The following MKI67 variants were observed in gnomAD, a reference collection of about 807,000 sequenced individuals.
MKI67 encodes proliferation marker protein Ki-67.
In MKI67, 152 loss-of-function variants were observed where a neutral mutation model predicts 233.5. The ratio of observed to expected loss-of-function variants is 0.65; its 90% confidence interval spans 0.57 to 0.74. MKI67 has a LOEUF of 0.74. Ranked by LOEUF, MKI67 falls within the 30% of genes least tolerant of loss-of-function variation. The pLI, the probability that MKI67 is intolerant of heterozygous loss-of-function variation, is 0.00. For missense variants in MKI67, 3,940 were observed against 3,885.2 expected (o/e 1.01, Z -0.37); for synonymous variants, 1,465 against 1,418.5 (o/e 1.03, Z -0.74).
rs1486442151 is a variant in MKI67, at chr10:128,104,296, G to A, written c.7544C>T (p.Pro2515Leu). 3 of 1,613,986 alleles carry A rather than the reference G, an allele frequency of 1.9e-6. No individual in the cohort carries two copies. Among genetic ancestry groups the A allele is most frequent in the African/African-American group, 2.7e-5 (2 of 74,908 alleles). The part of the protein sequence containing the change: ...SGETTQTHTE[P>L]TGDSKSIKAF... ...TTTGATGCTCTTACTATCTCCTGTT[G>A]GCTCTGTGTGTGTTTGCGTAGTCTC... Residue 2515 changes from proline (P) to leucine (L), a missense_variant, in exon 13 of 15, where the codon CCA (proline) becomes CTA (leucine). Physicochemically the swap from Pro to Leu is moderately conservative, Grantham distance 98. Transcript: ENST00000368654.
At chr10:128,109,543 T>A (rs1343506115) in intron 12 of MKI67, 120 bp from the exon 13 acceptor site, 1 of 1,054,006 alleles carries the variant, frequency 9.5e-7, no homozygotes, top group African/African-American at 1.6e-5. Context: ...CTGAACGACA[T>A]GAGGCTACTT....
rs1355881786 is a variant in MKI67, at chr10:128,105,592, A to C, written c.6248T>G (p.Phe2083Cys). ...TTCCTCAGTGTGGTCTGGTGTCTGG[A>C]AGAGCTCTTTGAAGCCGGCCAGGTC... The part of the protein sequence containing the change: ...LEDLAGFKEL[F>C]QTPDHTEEST... The change falls in exon 13 of 15, where the codon TTC (phenylalanine) becomes TGC (cysteine). Residue 2083 changes from phenylalanine (F) to cysteine (C), a missense_variant. Transcript: ENST00000368654. 3 of 1,613,974 alleles carry C rather than the reference A, an allele frequency of 1.9e-6. No individual in the cohort carries two copies. The highest frequency in any genetic ancestry group is 2.5e-6 in the Non-Finnish European group (3 of 1,179,978).
Position 128,097,458 on chromosome 10 carries a change from C to G in MKI67, c.*1732G>C, listed in dbSNP as rs1369537548. ...GAGAAAAGGTGCTGACATACTTCAG[C>G]AAGATTTCTGGTTAGAGCTGAACTC... On this transcript the variant is annotated 3_prime_UTR_variant, in exon 15 of 15. Coordinates refer to ENST00000368654, the MANE Select transcript of MKI67 (RefSeq NM_002417.5). 6.6e-6 allele frequency: 1 copy of G among 152,108 alleles called. No homozygotes were observed. Among genetic ancestry groups the G allele is most frequent in the Non-Finnish European group, 1.5e-5 (1 of 68,026 alleles). 9.4% of individuals were successfully genotyped at this position (152,108 alleles called of 1,614,324 possible).
rs1043126054 is a variant in MKI67, at chr10:128,110,610, C to T, written c.2261-77G>A. The stretch of plus-strand genomic sequence containing the variant: ...CAACCATCCCAGCCCTCACATGTAA[C>T]GTGCAAATGGTGGGAAATAACAGTA... On this transcript the variant is annotated intron_variant, in intron 11 of 14. Coordinates refer to ENST00000368654, the MANE Select transcript of MKI67 (RefSeq NM_002417.5). 6.9e-6 allele frequency: 8 copies of T among 1,167,340 alleles called. No individual in the cohort carries two copies. The East Asian group carries it at 9.7e-5, about 14-fold the overall frequency. The allele number at this position is 1,167,340 out of a possible 1,614,324, so 72.3% of individuals were successfully genotyped here. A position where few individuals can be genotyped will look rare whatever the true frequency, so the allele number is the denominator to read the frequency against.
In MKI67 at chr10:128,103,172, T is replaced by C. The variant is rs148727103; in HGVS notation, c.8668A>G (p.Lys2890Glu). The C allele has an allele frequency of 1.8e-5, 29 of 1,612,368 alleles. No individual in the cohort carries two copies. In the African/African-American group the frequency reaches 3.8e-4, roughly 21 times the overall value. ...ACATCTTCTGCGTCCAGCTTCCGCTTTGCAGGTTGCTTAAATGCTTTCGTG... is the reference window on the plus strand; with the variant it reads ...ACATCTTCTGCGTCCAGCTTCCGCTCTGCAGGTTGCTTAAATGCTTTCGTG... Reference protein sequence around the residue: ...KGTKAFKQPAKRKLDAEDVIG... With the variant: ...KGTKAFKQPAERKLDAEDVIG... The change falls in exon 13 of 15, where the codon AAG (lysine) becomes GAG (glutamate). Residue 2890 changes from lysine (K) to glutamate (E), a missense_variant. Lys to Glu is a moderately conservative substitution (Grantham distance 56). Transcript: ENST00000368654.
intron 5 of MKI67, among the ~76,000 whole-genome samples, chr10:128,117,698 T>C (rs1852836894): frequency 6.6e-6 from 1 of 152,214 alleles, no homozygotes; most frequent in Non-Finnish European, 1.5e-5. Flanking sequence ...GAGGGATGGT[T>C]TTTTATTTCC....
Position 128,109,119 on chromosome 10 carries a change from T to C in MKI67, c.2721A>G (p.Arg907=). The C allele has an allele frequency of 6.2e-7, 1 of 1,614,246 alleles. No individual in the cohort carries two copies. ...NTEIVECILK[R]GQKATLLQQR... ...GTTGTAGTAGTGTTGCCTTCTGACC[T>C]CTTTTTAGGATGCACTCAACAATTT... Residue 907 remains arginine, a synonymous_variant, in exon 13 of 15, where the codon AGA becomes AGG. Coordinates refer to ENST00000368654, the MANE Select transcript of MKI67 (RefSeq NM_002417.5).
rs768971032 is a variant in MKI67 at position 128,104,525 on chromosome 10, C to T, written c.7315G>A (p.Gly2439Ser). The T allele has an allele frequency of 6.8e-6, 11 of 1,614,048 alleles. No individual in the cohort carries two copies. The highest frequency in any genetic ancestry group is 1.3e-5 in the African/African-American group (1 of 74,914). ...GGTGTCTGGAAGAGTTCTTTGAAGC[C>T]AACCAGGTCCTCTAGAGCCTCAGCC... ...EKAEALEDLV[G>S]FKELFQTPGH... The change falls in exon 13 of 15, where the codon GGC becomes AGC. Residue 2439 changes from glycine (G) to serine (S), a missense_variant. Transcript: ENST00000368654.
At position 128,107,947 on chromosome 10, in the gene MKI67, G is replaced by A. The variant is rs372590017; in HGVS notation, c.3893C>T (p.Thr1298Met). Residue 1298 changes from threonine (T) to methionine (M), a missense_variant, in exon 13 of 15, where the codon ACG becomes ATG. Coordinates refer to ENST00000368654, the MANE Select transcript of MKI67 (RefSeq NM_002417.5). ...CTCTTCACCTACTGATGGTTTAGGC[G>A]TGTGCATGGCTTTGCCTGCTGATGG... Reference protein sequence around the residue: ...LMPSAGKAMHTPKPSVGEEKD... With the variant: ...LMPSAGKAMHMPKPSVGEEKD... 155 of 1,613,670 alleles carry A rather than the reference G, an allele frequency of 9.6e-5. No individual in the cohort carries two copies. The highest frequency in any genetic ancestry group is 1.2e-4 in the Non-Finnish European group (142 of 1,180,002).
Position 128,116,019 on chromosome 10 carries a change from A to C in MKI67, c.401-12T>G. ...TTGAGCTTTCTCATCTTGGCAATGAATTATGAAATAAGAAACAGAAGTTCA... is the reference window on the plus strand; with the variant it reads ...TTGAGCTTTCTCATCTTGGCAATGACTTATGAAATAAGAAACAGAAGTTCA... On this transcript the variant is annotated splice_polypyrimidine_tract_variant and intron_variant, in intron 6 of 14. Transcript: ENST00000368654. 1.3e-6 allele frequency: 2 copies of C among 1,551,306 alleles called. No homozygotes were observed. Among genetic ancestry groups the C allele is most frequent in the Non-Finnish European group, 8.7e-7 (1 of 1,155,760 alleles).
At position 128,107,966 on chromosome 10, in the gene MKI67, C is replaced by A; in HGVS notation, c.3874G>T (p.Ala1292Ser). 6.2e-7 allele frequency: 1 copy of A among 1,613,820 alleles called. No individual in the cohort carries two copies. The highest frequency in any genetic ancestry group is 8.5e-7 in the Non-Finnish European group (1 of 1,179,982). Residue 1292 changes from alanine (A) to serine (S), a missense_variant, in exon 13 of 15, where the codon GCA (alanine) becomes TCA (serine). By Grantham distance (99) the Ala-to-Ser change is moderately conservative (BLOSUM62 1). Transcript: ENST00000368654. ...LLACRNLMPSAGKAMHTPKPS... is the reference protein window; with the variant it reads ...LLACRNLMPSSGKAMHTPKPS... ...TTAGGCGTGTGCATGGCTTTGCCTG[C>A]TGATGGCATTAGATTCCTGCACGCT...
Position 128,107,172 on chromosome 10 carries a change from T to C in MKI67, c.4668A>G (p.Gly1556=), listed in dbSNP as rs554864172. Reference sequence around the variant, plus strand: ...TCAGGTCCAGTTTCTGCACTGGAGTTCCCATAAATGCGTAGATGTTTTTCT... The same window carrying C: ...TCAGGTCCAGTTTCTGCACTGGAGTCCCCATAAATGCGTAGATGTTTTTCT... ...SGEKNIYAFM[G]TPVQKLDLTE... The change falls in exon 13 of 15, where the codon GGA becomes GGG. Residue 1556 remains glycine (G), a synonymous_variant. Coordinates refer to ENST00000368654, the MANE Select transcript of MKI67 (RefSeq NM_002417.5). 1.9e-6 allele frequency: 3 copies of C among 1,614,090 alleles called. No individual in the cohort carries two copies. Among genetic ancestry groups the C allele is most frequent in the South Asian group, 2.2e-5 (2 of 91,080 alleles).
At position 128,126,319 on chromosome 10, in the gene MKI67, G is replaced by A. The variant is rs1454318082; in HGVS notation, c.-310C>T. ...CCGCCGCCTCTGACGGGGACCCGGT[G>A]GCCCTACAGGCTACGTCCCCGGGCG... On this transcript the variant is annotated 5_prime_UTR_variant, in exon 1 of 15. Coordinates refer to ENST00000368654, the MANE Select transcript of MKI67 (RefSeq NM_002417.5). The A allele has an allele frequency of 6.6e-6, 1 of 152,634 alleles. No individual in the cohort carries two copies. Among genetic ancestry groups the A allele is most frequent in the African/African-American group, 2.4e-5 (1 of 41,436 alleles). The allele number at this position is 152,634 out of a possible 1,614,324, so 9.5% of individuals were successfully genotyped here. A position where few individuals can be genotyped will look rare whatever the true frequency, so the allele number is the denominator to read the frequency against.
intron 8 of MKI67, 109 bp downstream of exon 8, chr10:128,113,318 A>G: frequency 8.1e-7 from 1 of 1,240,730 alleles, no homozygotes; most frequent in East Asian, 2.3e-5. Context: ...TCTTTAATAA[A>G]TAAATAAAGG....
rs1442511678 is a variant in MKI67, at chr10:128,115,631, C to A, written c.777G>T (p.Gln259His). ...TTTGTAATCCAGATTTTCTACAATA[C>A]TGTAGGACATTTTCTTTTTGTGATT... ...DVKSQKENVL[Q>H]YCRKSGLQTD... The change falls in exon 7 of 15, where the codon CAG (glutamine) becomes CAT (histidine). Residue 259 changes from glutamine (Q) to histidine (H), a missense_variant. Physicochemically the swap from Gln to His is conservative, Grantham distance 24. Transcript: ENST00000368654. The A allele has an allele frequency of 6.2e-7, 1 of 1,613,782 alleles. No homozygotes were observed. The highest frequency in any genetic ancestry group is 8.5e-7 in the Non-Finnish European group (1 of 1,180,000).
chr10:128,107,613 C>T lies in MKI67; in HGVS notation c.4227G>A (p.Lys1409=), dbSNP rs770988046. 82 of 1,613,994 alleles carry T rather than the reference C, an allele frequency of 5.1e-5. No homozygotes were observed. The highest frequency in any genetic ancestry group is 6.7e-5 in the Admixed American group (4 of 59,980). ...TGGTTTCCCCTGATGTCTGTGTGAGCTTCTTCAGGGCTGAGAGCTCCTTCT... is the reference window on the plus strand; with the variant it reads ...TGGTTTCCCCTGATGTCTGTGTGAGTTTCTTCAGGGCTGAGAGCTCCTTCT... The part of the protein sequence containing the change: ...DVQKELSALK[K]LTQTSGETTH... Residue 1409 remains lysine, a synonymous_variant, in exon 13 of 15, where the codon AAG becomes AAA. Coordinates refer to ENST00000368654, the MANE Select transcript of MKI67 (RefSeq NM_002417.5).
chr10:128,100,025 T>C (rs1852302174), intron 14 of MKI67, among the ~76,000 whole-genome samples: 1 of 152,222 alleles, frequency 6.6e-6, no homozygotes, highest in Non-Finnish European at 1.5e-5. Flanking sequence ...AGACTGTGAA[T>C]TCGGTAAGCG....
In MKI67 at chr10:128,105,721, T is replaced by G; in HGVS notation, c.6119A>C (p.Lys2040Thr). 2 of 1,614,132 alleles carry G rather than the reference T, an allele frequency of 1.2e-6. No homozygotes were observed. Among genetic ancestry groups the G allele is most frequent in the Non-Finnish European group, 8.5e-7 (1 of 1,180,010 alleles). Residue 2040 changes from lysine to threonine, a missense_variant, in exon 13 of 15, where the codon AAA becomes ACA. Coordinates refer to ENST00000368654, the MANE Select transcript of MKI67 (RefSeq NM_002417.5). The stretch of plus-strand genomic sequence containing the variant: ...CTGCTTTGCAGATTCCTTAAACGCT[T>G]TGATGCTCTTTCCATCTCCTGCTGT... ...RETAGDGKSI[K>T]AFKESAKQML... is the part of the protein sequence containing the mutation.
chr10:128,124,498 C>T (rs1311597677), intron 2 of MKI67, among the ~76,000 whole-genome samples: 2 of 152,192 alleles, frequency 1.3e-5, no homozygotes, highest in African/African-American at 4.8e-5. Flanking sequence ...GATGACCCTC[C>T]TGTGAGAACC....
Sources: allele counts gnomAD v4.1 joint callset (sites outside exome capture counted in the v4.1 genomes callset), GRCh38; gene constraint gnomAD v4.1.1; transcripts MANE v1.5; gene names NCBI Gene and HGNC (gene_info 2026-07-23, HGNC 2026-07-21).